The following BRWD1 variants were observed in gnomAD, a reference collection of about 807,000 sequenced individuals.
BRWD1 encodes the protein bromodomain and WD repeat domain containing 1.
A neutral mutation model predicts 251.2 loss-of-function variants in BRWD1; 82 were observed. The observed-to-expected ratio is 0.33, with a 90% CI of 0.27 to 0.39. The LOEUF is 0.39. Among genes scored for constraint, BRWD1 ranks in the 10% least tolerant of loss-of-function variants. The pLI, the probability that BRWD1 is intolerant of heterozygous loss-of-function variation, is 1.00. For missense variants in BRWD1, 2,233 were observed against 2,711.6 expected, an observed-to-expected ratio of 0.82 and a Z score of 3.92; for synonymous variants, 918 against 902.8, an observed-to-expected ratio of 1.02 and a Z score of -0.30.
chr21:39,258,793 C>A, intron 17 of BRWD1, 121 bp from the exon 18 acceptor site: 1 of 661,334 alleles, frequency 1.5e-6, no homozygotes. Flanking sequence ...GAAAAATAAC[C>A]AGTTTAAAAA....
intron 27 of BRWD1, among the ~76,000 whole-genome samples, chr21:39,228,144 C>T (rs781099188): frequency 5.9e-5 from 9 of 151,890 alleles, no homozygotes; most frequent in African/African-American, 1.7e-4. Flanking sequence ...AAAAATTAGC[C>T]GGGCGTAGTG....
rs2034169540 is a variant in BRWD1, at chr21:39,245,824, TC to T, written c.2481+1876del. On this transcript the variant is annotated intron_variant, in intron 21 of 40. Transcript: ENST00000342449. ...CATGTTGGCCAAGCTGGTCTTGAAG[TC>T]CTGACCTCAGGAGTCATCTGCCCAC... is the stretch of plus-strand genomic sequence containing the variant. 2.6e-5 allele frequency among the ~76,000 whole-genome samples: 4 copies of T among 152,242 alleles called. No homozygotes were observed. The South Asian group carries it at 8.3e-4, about 32-fold the overall frequency.
Position 39,195,601 on chromosome 21 carries a change from A to T in BRWD1, c.*658T>A. 2.0e-6 allele frequency: 2 copies of T among 984,404 alleles called. No individual in the cohort carries two copies. Among genetic ancestry groups the T allele is most frequent in the Non-Finnish European group, 2.4e-6 (2 of 828,646 alleles). 61.0% of individuals were successfully genotyped at this position (984,404 alleles called of 1,614,324 possible). The stretch of plus-strand genomic sequence containing the variant: ...AAAATAATTTACCAGCACTTTATAA[A>T]TTCAAGTTTATAACATAAAAGTGAC... On this transcript the variant is annotated 3_prime_UTR_variant, in exon 41 of 41. Coordinates refer to ENST00000342449, the MANE Select transcript of BRWD1 (RefSeq NM_033656.4).
intron 25 of BRWD1, among the ~76,000 whole-genome samples, chr21:39,231,593 C>T (rs2033618909): frequency 6.6e-6 from 1 of 152,008 alleles, no homozygotes; most frequent in Non-Finnish European, 1.5e-5. Context: ...ATTAAAAGTT[C>T]CAAATATTTT....
At chr21:39,296,195 G>A in intron 6 of BRWD1, 70 bp downstream of exon 6, 1 of 1,260,366 alleles carries the variant, frequency 7.9e-7, no homozygotes, top group South Asian at 1.7e-5. Flanking sequence ...TTTTAATACA[G>A]CATTTATAAA....
chr21:39,237,254 T>C (rs1175331028), intron 22 of BRWD1, among the ~76,000 whole-genome samples: 1 of 152,064 alleles, frequency 6.6e-6, no homozygotes, highest in Admixed American at 6.6e-5. Context: ...AAGGGAAGCA[T>C]AGCTACACCA....
At chr21:39,285,685 G>A (rs1338040958) in intron 8 of BRWD1, among the ~76,000 whole-genome samples, 5 of 152,014 alleles carry the variant, frequency 3.3e-5, no homozygotes, top group Non-Finnish European at 7.4e-5. Flanking sequence ...CACTTTGGGA[G>A]GCCAAGGCAG....
Position 39,190,452 on chromosome 21 carries a change from T to C in BRWD1, c.*5807A>G, listed in dbSNP as rs2031494220. ...CATACTAGCCTCTTTCATAAACTCC[T>C]AGAATCTTGACATTATTGGTTGCTG... is the stretch of plus-strand genomic sequence containing the variant. On this transcript the variant is annotated 3_prime_UTR_variant, in exon 41 of 41. Coordinates refer to ENST00000342449, the MANE Select transcript of BRWD1 (RefSeq NM_033656.4). 1.0e-6 allele frequency: 1 copy of C among 985,256 alleles called. No individual in the cohort carries two copies. 61.0% of individuals were successfully genotyped at this position (985,256 alleles called of 1,614,324 possible). A position where few individuals can be genotyped will look rare whatever the true frequency, so the allele number is the denominator to read the frequency against.
chr21:39,274,511 A>G (rs2035218749), intron 12 of BRWD1, 39 bp from the exon 13 acceptor site: 1 of 1,465,422 alleles, frequency 6.8e-7, no homozygotes, highest in South Asian at 1.1e-5. Context: ...ATATTCACAC[A>G]CTTTCCAACA....
At chr21:39,237,873 T>C (rs1455969986) in intron 22 of BRWD1, among the ~76,000 whole-genome samples, 1 of 152,134 alleles carries the variant, frequency 6.6e-6, no homozygotes, top group Admixed American at 6.5e-5. Context: ...AAAATCATTC[T>C]AGCTCCTTAT....
chr21:39,235,390 C>G (rs1181847666), intron 23 of BRWD1: 1 of 153,026 alleles, frequency 6.5e-6, no homozygotes, highest in African/African-American at 2.4e-5. Flanking sequence ...AACTGTAGGT[C>G]CTTGCTGTGG....
chr21:39,188,871 G>A lies in BRWD1; in HGVS notation c.*7388C>T. ...CTAAGGGCACTATGTTTTGTTCAGT[G>A]TTCAGTCTCCAGGCATTGTAAATGG... On this transcript the variant is annotated 3_prime_UTR_variant, in exon 41 of 41. Transcript: ENST00000342449. The A allele has an allele frequency of 2.0e-6, 2 of 985,384 alleles. No homozygotes were observed. The highest frequency in any genetic ancestry group is 2.4e-6 in the Non-Finnish European group (2 of 829,922). 61.0% of individuals were successfully genotyped at this position (985,384 alleles called of 1,614,324 possible).
intron 21 of BRWD1, among the ~76,000 whole-genome samples, chr21:39,241,552 T>A (rs1440228285): frequency 6.9e-6 from 1 of 144,906 alleles, no homozygotes; most frequent in East Asian, 2.1e-4. Flanking sequence ...GAGCCAGGTT[T>A]CTCTGTACAG....
At chr21:39,205,147 A>G (rs898814019) in intron 37 of BRWD1, among the ~76,000 whole-genome samples, 4 of 152,288 alleles carry the variant, frequency 2.6e-5, no homozygotes, top group East Asian at 3.9e-4. Flanking sequence ...ACAGTACTCT[A>G]AAGATTAAAT....
intron 21 of BRWD1, among the ~76,000 whole-genome samples, chr21:39,245,183 A>G: frequency 6.6e-6 from 1 of 152,126 alleles, no homozygotes; most frequent in East Asian, 1.9e-4. Flanking sequence ...GTTTGAGGCT[A>G]CAGTGAGCCA....
Position 39,185,484 on chromosome 21 carries a change from AAAGT to A in BRWD1, c.*10771_*10774del, listed in dbSNP as rs1254331053. The A allele has an allele frequency of 2.0e-5, 3 of 151,716 alleles. No individual in the cohort carries two copies. Among genetic ancestry groups the A allele is most frequent in the East Asian group, 1.9e-4 (1 of 5,194 alleles). 9.4% of individuals were successfully genotyped at this position (151,716 alleles called of 1,614,324 possible). On this transcript the variant is annotated 3_prime_UTR_variant, in exon 41 of 41. Transcript: ENST00000342449. ...TCAAAAATCAAACCCCATGCACCTA[AAAGT>A]AATAGCAGTTTATTAGGAATTCTTC...
chr21:39,240,773 T>C (rs1409737392), intron 21 of BRWD1, among the ~76,000 whole-genome samples: 1 of 152,246 alleles, frequency 6.6e-6, no homozygotes, highest in Non-Finnish European at 1.5e-5. Context: ...TGCTGTATTT[T>C]GTATAAGAAG....
At chr21:39,211,230 T>C (rs1013122832) in intron 34 of BRWD1, among the ~76,000 whole-genome samples, 1 of 152,204 alleles carries the variant, frequency 6.6e-6, no homozygotes, top group Non-Finnish European at 1.5e-5. Flanking sequence ...ATATTTGTTT[T>C]CGCAGAATAT....
At chr21:39,315,285 A>T (rs8127986), upstream of BRWD1, among the ~76,000 whole-genome samples, 92,218 of 151,590 alleles carry the variant, frequency 0.61, 28,303 homozygotes, top group Admixed American at 0.66. Flanking sequence ...GATTACATGC[A>T]TGAGCCACTG....
Sources: allele counts gnomAD v4.1 joint callset (sites outside exome capture counted in the v4.1 genomes callset), GRCh38; gene constraint gnomAD v4.1.1; transcripts MANE v1.5; gene names NCBI Gene and HGNC (gene_info 2026-07-23, HGNC 2026-07-21).